Variants in STARD13 observed in about 807,000 individuals in gnomAD.
STARD13 encodes stAR-related lipid transfer protein 13.
STARD13 carries 62 observed loss-of-function variants against 106.4 expected under a neutral mutation model. The ratio of observed to expected loss-of-function variants is 0.58; its 90% CI spans 0.48 to 0.72. STARD13 has a LOEUF of 0.72. Ranked by LOEUF, STARD13 falls within the 30% of genes least tolerant of loss-of-function variation. The pLI, the probability that STARD13 is intolerant of heterozygous loss-of-function variation, is 0.00. For synonymous variants in STARD13, 565 were observed against 553.0 expected (o/e 1.02, Z -0.31); for missense variants, 1,387 against 1,424.0 (o/e 0.97, Z 0.42).
chr13:33,302,398 C>T (rs924434386), intron 1 of STARD13, among the ~76,000 whole-genome samples: 1 of 152,124 alleles, frequency 6.6e-6, no homozygotes, highest in Non-Finnish European at 1.5e-5. Context: ...TCTTTTCTTT[C>T]AAATTTTTAC....
the STARD13 span, among the ~76,000 whole-genome samples, chr13:33,547,645 C>T: frequency 6.6e-6 from 1 of 152,130 alleles, no homozygotes; most frequent in African/African-American, 2.4e-5. Context: ...CAGTGCTCTG[C>T]TGTGGTCATT....
At chr13:33,153,343 C>T (rs1045597856) in intron 3 of STARD13, among the ~76,000 whole-genome samples, 2 of 152,156 alleles carry the variant, frequency 1.3e-5, no homozygotes, top group Non-Finnish European at 2.9e-5. Context: ...AGCAGAAAAT[C>T]GAGCTGTGCA....
At chr13:33,625,170 G>A in the STARD13 span, among the ~76,000 whole-genome samples, 670 of 152,294 alleles carry the variant, frequency 4.4e-3, 3 homozygotes, top group Middle Eastern at 0.014. Context: ...AGACATTTTA[G>A]CCTCTTCATG....
chr13:33,378,511 T>G, the STARD13 span, among the ~76,000 whole-genome samples: 1 of 152,080 alleles, frequency 6.6e-6, no homozygotes, highest in Non-Finnish European at 1.5e-5. Flanking sequence ...CCAGGCGTGG[T>G]CGGGCGCAGT....
chr13:33,189,642 A>G (rs1437862613), intron 1 of STARD13, among the ~76,000 whole-genome samples: 1 of 151,770 alleles, frequency 6.6e-6, no homozygotes, highest in Non-Finnish European at 1.5e-5. Context: ...CCTGTTCTAT[A>G]TGGGTGCCCT....
chr13:33,539,608 C>A, the STARD13 span, among the ~76,000 whole-genome samples: 21 of 152,104 alleles, frequency 1.4e-4, no homozygotes, highest in Non-Finnish European at 2.8e-4. Flanking sequence ...ATAAAGGTGC[C>A]AAGGTAATTC....
At chr13:33,365,799 G>A in the STARD13 span, among the ~76,000 whole-genome samples, 1 of 152,110 alleles carries the variant, frequency 6.6e-6, no homozygotes, top group Admixed American at 6.5e-5. Flanking sequence ...ACTCAGCATG[G>A]CTTTCTTGGT....
At chr13:33,177,813 G>GAAGGAAGGAAGGAAGGAAGGAAGGA (rs1884730356) in intron 1 of STARD13, among the ~76,000 whole-genome samples, 1 of 24,210 alleles carries the variant, frequency 4.1e-5, no homozygotes, top group African/African-American at 2.3e-4. Context: ...AGGAAGGAAG[G>GAAGGAAGGAAGGAAGGAAGGAAGGA]AAGGAAGGAA....
chr13:33,239,143 T>C (rs1020874251), intron 1 of STARD13, among the ~76,000 whole-genome samples: 3 of 152,156 alleles, frequency 2.0e-5, no homozygotes, highest in East Asian at 1.9e-4. Context: ...CTTTTTGTGA[T>C]TGGCTTATTT....
the STARD13 span, among the ~76,000 whole-genome samples, chr13:33,599,941 C>T: frequency 2.6e-5 from 4 of 152,262 alleles, no homozygotes; most frequent in Non-Finnish European, 4.4e-5. Flanking sequence ...ATGTTACTTA[C>T]GAATTACAAA....
At chr13:33,578,944 A>G in the STARD13 span, among the ~76,000 whole-genome samples, 232 of 152,242 alleles carry the variant, frequency 1.5e-3, 2 homozygotes, top group Middle Eastern at 0.014. Flanking sequence ...TAAAACCACA[A>G]TGAGATACCA....
the STARD13 span, among the ~76,000 whole-genome samples, chr13:33,409,413 T>C: frequency 6.6e-6 from 1 of 152,218 alleles, no homozygotes; most frequent in Non-Finnish European, 1.5e-5. Flanking sequence ...CTGAAACAGT[T>C]TGGTGCTAGC....
At chr13:33,217,361 C>T (rs1359903057) in intron 1 of STARD13, among the ~76,000 whole-genome samples, 7 of 152,232 alleles carry the variant, frequency 4.6e-5, no homozygotes, top group Non-Finnish European at 5.9e-5. Flanking sequence ...CACCTCCTGC[C>T]TCCTGCCTTT....
At chr13:33,473,784 A>G in the STARD13 span, among the ~76,000 whole-genome samples, 2 of 152,122 alleles carry the variant, frequency 1.3e-5, no homozygotes, top group South Asian at 4.1e-4. Context: ...ATTGCCTAGG[A>G]AGAATGGTTT....
intron 1 of STARD13, among the ~76,000 whole-genome samples, chr13:33,292,030 C>T (rs887686314): frequency 6.6e-6 from 1 of 152,102 alleles, no homozygotes; most frequent in African/African-American, 2.4e-5. Flanking sequence ...AGCTAACAAC[C>T]CCTACCCCAA....
At chr13:33,286,171 CA>C (rs112494237), upstream of STARD13, among the ~76,000 whole-genome samples, 5 of 151,064 alleles carry the variant, frequency 3.3e-5, no homozygotes, top group Non-Finnish European at 5.9e-5. Context: ...CACAACACAA[CA>C]AAAAAAAACT....
At chr13:33,283,586 A>C (rs1352611367) in intron 1 of STARD13, among the ~76,000 whole-genome samples, 1 of 152,218 alleles carries the variant, frequency 6.6e-6, no homozygotes, top group African/African-American at 2.4e-5. Flanking sequence ...TATGATGTTA[A>C]CACATAATGA....
At chr13:33,496,048 T>A in the STARD13 span, among the ~76,000 whole-genome samples, 3 of 141,746 alleles carry the variant, frequency 2.1e-5, no homozygotes, top group African/African-American at 7.6e-5. Context: ...TTATGTATAG[T>A]TAATATAATT....
At chr13:33,618,868 G>A in the STARD13 span, among the ~76,000 whole-genome samples, 1 of 151,940 alleles carries the variant, frequency 6.6e-6, no homozygotes, top group Admixed American at 6.6e-5. Context: ...GAAGCATCTG[G>A]AACTCTCAGG....
Sources: gnomAD v4.1 joint callset for allele counts (sites outside exome capture counted in the v4.1 genomes callset) on GRCh38, gnomAD v4.1.1 for gene constraint, MANE v1.5 for transcripts, NCBI Gene and HGNC (gene_info 2026-07-23, HGNC 2026-07-21) for gene names.